ROS1: variants seen among roughly 807,000 people sequenced by gnomAD.
The protein encoded by ROS1 is ROS proto-oncogene 1, receptor tyrosine kinase.
Under a neutral mutation model 273.5 loss-of-function variants are expected in ROS1, and 263 were observed. The observed-to-expected ratio is 0.96, with a 90% CI of 0.87 to 1.06. The LOEUF (loss-of-function observed/expected upper bound fraction) is 1.06. Among genes scored for constraint, ROS1 ranks in the 50% least tolerant of loss-of-function variants. ROS1 has a pLI of 0.00. For missense variants in ROS1, 2,833 were observed against 2,751.1 expected (o/e 1.03, Z -0.67); for synonymous variants, 1,008 against 954.1 (o/e 1.06, Z -1.04).
intron 42 of ROS1, among the ~76,000 whole-genome samples, chr6:117,306,975 A>T (rs1356044044): frequency 6.6e-6 from 1 of 152,096 alleles, no homozygotes; most frequent in East Asian, 1.9e-4. Context: ...CCAATGGAAA[A>T]TTTTCATTTC....
intron 18 of ROS1, among the ~76,000 whole-genome samples, chr6:117,377,033 C>G (rs142104743): frequency 9.5e-4 from 145 of 152,282 alleles, no homozygotes; most frequent in African/African-American, 3.4e-3. Context: ...CAATGTAGTA[C>G]TGGCAAAAAG....
intron 38 of ROS1, among the ~76,000 whole-genome samples, chr6:117,317,818 C>G (rs1776022320): frequency 6.6e-6 from 1 of 152,118 alleles, no homozygotes; most frequent in South Asian, 2.1e-4. Context: ...TTTACTAAGA[C>G]AAAGGATATT....
At chr6:117,299,175 T>G (rs137872932) in intron 43 of ROS1, among the ~76,000 whole-genome samples, 1 of 152,350 alleles carries the variant, frequency 6.6e-6, no homozygotes, top group East Asian at 1.9e-4. Flanking sequence ...CCAAGGCATG[T>G]GCAGCCCTTT....
At chr6:117,328,691 T>TC in intron 33 of ROS1, 1 of 605,426 alleles carries the variant, frequency 1.7e-6, no homozygotes, top group Non-Finnish European at 3.3e-6. Flanking sequence ...TTTGGAATTC[T>TC]CCCCTCAAGT....
chr6:117,414,495 T>A, intron 4 of ROS1, 24 bp downstream of exon 4: 1 of 744,910 alleles, frequency 1.3e-6, no homozygotes, highest in South Asian at 1.5e-5. Flanking sequence ...CTTGATTACA[T>A]CTTTTTTGTG....
chr6:117,330,133 C>T (rs561653039), intron 32 of ROS1, among the ~76,000 whole-genome samples: 1 of 152,192 alleles, frequency 6.6e-6, no homozygotes, highest in Non-Finnish European at 1.5e-5. Context: ...TTTTCCCCTG[C>T]GGGAGCCAGC....
rs1285782510 is a variant in ROS1, at chr6:117,308,917, A to G, written c.6428T>C (p.Ile2143Thr). The G allele has an allele frequency of 6.2e-7, 1 of 1,612,976 alleles. No homozygotes were observed. The highest frequency in any genetic ancestry group is 1.3e-5 in the African/African-American group (1 of 74,868). Residue 2143 changes from isoleucine (I) to threonine (T), a missense_variant, in exon 42 of 44, where the codon ATT becomes ACT. Coordinates refer to ENST00000368507, the MANE Select transcript of ROS1 (RefSeq NM_001378902.1). Reference sequence around the variant, plus strand: ...AAGAGTTAAAATCTCCCAAATCAGAATTCCAAAAGACCTAAGAATAGTAGA... The same window carrying G: ...AAGAGTTAAAATCTCCCAAATCAGAGTTCCAAAAGACCTAAGAATAGTAGA... ...TTQSDVWSFG[I>T]LIWEILTLGH... is the part of the protein sequence containing the mutation.
chr6:117,344,674 C>A (rs1426355656), intron 27 of ROS1, among the ~76,000 whole-genome samples: 1 of 152,144 alleles, frequency 6.6e-6, no homozygotes, highest in Non-Finnish European at 1.5e-5. Flanking sequence ...CCTCCCCCAA[C>A]CCAGGAGGCG....
At chr6:117,346,859 A>C (rs1778420230) in intron 27 of ROS1, among the ~76,000 whole-genome samples, 2 of 152,154 alleles carry the variant, frequency 1.3e-5, no homozygotes, top group African/African-American at 4.8e-5. Context: ...TATCACATAG[A>C]ATAGTTCCAC....
At chr6:117,375,090 A>G (rs1006946511) in intron 18 of ROS1, among the ~76,000 whole-genome samples, 2 of 152,260 alleles carry the variant, frequency 1.3e-5, no homozygotes, top group Non-Finnish European at 2.9e-5. Flanking sequence ...TGTGGTGTAT[A>G]TATAATGGAA....
chr6:117,363,455 T>C (rs551885572), intron 21 of ROS1, among the ~76,000 whole-genome samples: 1 of 152,194 alleles, frequency 6.6e-6, no homozygotes, highest in Non-Finnish European at 1.5e-5. Context: ...AGTCCTTTAA[T>C]CAAGAGAAAT....
In ROS1 at chr6:117,414,399, GAAGAAT is replaced by G. The variant is rs200329458; in HGVS notation, c.255+114_255+119del. On this transcript the variant is annotated intron_variant, in intron 4 of 43. Transcript: ENST00000368507. ...ATACTCAGAGTAATAACACTTTGAG[GAAGAAT>G]GTCTCAGTGCACTGAGAATTTTAGG... 3,691 of 670,392 alleles carry G rather than the reference GAAGAAT, an allele frequency of 5.5e-3. 22 individuals carry two copies. The highest frequency in any genetic ancestry group is 0.035 in the Middle Eastern group (144 of 4,068). The allele number at this position is 670,392 out of a possible 1,614,324, so 41.5% of individuals were successfully genotyped here.
chr6:117,412,437 G>C (rs1774985867), intron 4 of ROS1, among the ~76,000 whole-genome samples: 3 of 152,090 alleles, frequency 2.0e-5, no homozygotes, highest in Admixed American at 1.3e-4. Context: ...CATTTTCCAA[G>C]TTCTATTTCA....
chr6:117,404,244 G>A (rs2128726083), intron 6 of ROS1, 36 bp downstream of exon 6: 1 of 1,578,634 alleles, frequency 6.3e-7, no homozygotes. Flanking sequence ...AATTGGGAAG[G>A]GGTCTGGGTT....
intron 27 of ROS1, among the ~76,000 whole-genome samples, chr6:117,348,770 C>T (rs182759534): frequency 2.6e-5 from 4 of 151,832 alleles, no homozygotes; most frequent in East Asian, 3.9e-4. Flanking sequence ...TACTGATTCC[C>T]GTAAGTTTTG....
At chr6:117,417,943 T>C (rs545598611) in intron 2 of ROS1, among the ~76,000 whole-genome samples, 1 of 152,344 alleles carries the variant, frequency 6.6e-6, no homozygotes, top group Non-Finnish European at 1.5e-5. Flanking sequence ...GCCATAATTT[T>C]ATGCATATGT....
chr6:117,411,031 A>G (rs1026699572), intron 4 of ROS1, among the ~76,000 whole-genome samples: 4 of 152,178 alleles, frequency 2.6e-5, no homozygotes, highest in Non-Finnish European at 5.9e-5. Context: ...AACTGAGGAG[A>G]AGAGACGAGA....
chr6:117,299,024 G>T (rs1253199029), intron 43 of ROS1, among the ~76,000 whole-genome samples: 2 of 152,038 alleles, frequency 1.3e-5, no homozygotes, highest in Non-Finnish European at 2.9e-5. Context: ...CCCCCAAAAG[G>T]ATGGAGTTGC....
At chr6:117,350,048 C>G (rs1778693724) in intron 27 of ROS1, among the ~76,000 whole-genome samples, 1 of 142,982 alleles carries the variant, frequency 7.0e-6, no homozygotes, top group South Asian at 2.1e-4. Context: ...AAAAGAAAAA[C>G]TTTTACTTTA....
Sources: allele counts gnomAD v4.1 joint callset (sites outside exome capture counted in the v4.1 genomes callset), GRCh38; gene constraint gnomAD v4.1.1; transcripts MANE v1.5; gene names NCBI Gene and HGNC (gene_info 2026-07-23, HGNC 2026-07-21).